The following ADGRV1 variants were observed in gnomAD, a reference collection of about 807,000 sequenced individuals.
The protein encoded by ADGRV1 is G-protein coupled receptor 98.
In ADGRV1, 359 loss-of-function variants were observed where a neutral mutation model predicts 596.2. The ratio of observed to expected loss-of-function variants is 0.60; its 90% CI spans 0.55 to 0.66. The LOEUF is 0.66. ADGRV1 is among the 30% of genes least tolerant of loss of function. ADGRV1 has a pLI of 0.00. For synonymous variants in ADGRV1, 2,681 were observed against 2,679.2 expected (o/e 1.00, Z -0.02); for missense variants, 7,274 against 7,575.6 (o/e 0.96, Z 1.48).
chr5:90,874,479 T>C (rs1769027256), intron 83 of ADGRV1, among the ~76,000 whole-genome samples: 1 of 152,078 alleles, frequency 6.6e-6, no homozygotes, highest in Non-Finnish European at 1.5e-5. Context: ...GAATGTCAAC[T>C]CCATTAGATC....
At chr5:90,766,070 T>C (rs368614885) in intron 59 of ADGRV1, among the ~76,000 whole-genome samples, 94 of 151,928 alleles carry the variant, frequency 6.2e-4, no homozygotes, top group South Asian at 1.2e-3. Flanking sequence ...CCACCACACC[T>C]GGCTAATTTT....
chr5:90,932,710 C>T (rs183881920), intron 83 of ADGRV1, among the ~76,000 whole-genome samples: 207 of 144,268 alleles, frequency 1.4e-3, no homozygotes, highest in African/African-American at 4.8e-3. Flanking sequence ...CCATAGAATG[C>T]ATCGCTGCAA....
At chr5:90,699,837 G>A (rs1747675029) in intron 34 of ADGRV1, among the ~76,000 whole-genome samples, 2 of 152,238 alleles carry the variant, frequency 1.3e-5, no homozygotes, top group Non-Finnish European at 2.9e-5. Context: ...CTAATTATCT[G>A]CAGGAGAGGC....
At chr5:90,833,648 T>C (rs1039413157) in intron 77 of ADGRV1, among the ~76,000 whole-genome samples, 8 of 152,218 alleles carry the variant, frequency 5.3e-5, no homozygotes, top group African/African-American at 1.9e-4. Flanking sequence ...TCAGGTATTT[T>C]ATTTTACTTG....
At chr5:90,819,952 T>A (rs1391859123) in intron 75 of ADGRV1, among the ~76,000 whole-genome samples, 4 of 151,068 alleles carry the variant, frequency 2.6e-5, no homozygotes, top group Non-Finnish European at 3.0e-5. Context: ...CAGAGCTGAG[T>A]TCAATTCCTG....
At chr5:90,901,785 T>C (rs993506521) in intron 83 of ADGRV1, among the ~76,000 whole-genome samples, 29 of 152,140 alleles carry the variant, frequency 1.9e-4, no homozygotes, top group African/African-American at 6.5e-4. Context: ...ACTTCTTCCT[T>C]TTTAAAAATA....
Position 90,647,675 on chromosome 5 carries a change from G to A in ADGRV1, c.3200G>A (p.Ser1067Asn), listed in dbSNP as rs1580584829. The part of the protein sequence containing the change: ...KGETLIFEVG[S>N]RQQSISIFVN... ...GAAACGCTCATTTTTGAGGTTGGAA[G>A]TAGACAGCAGAGCATATCCATATTT... Residue 1067 changes from serine (S) to asparagine (N), a missense_variant, in exon 17 of 90, where the codon AGT (serine) becomes AAT (asparagine). This residue lies in a region of ADGRV1 where 1,715 missense variants were observed against 1,708.8 expected (regional missense o/e 1.00). Transcript: ENST00000405460. The A allele has an allele frequency of 1.2e-6, 2 of 1,613,972 alleles. No homozygotes were observed. Among genetic ancestry groups the A allele is most frequent in the Non-Finnish European group, 8.5e-7 (1 of 1,179,836 alleles).
intron 70 of ADGRV1, among the ~76,000 whole-genome samples, chr5:90,798,919 A>C (rs1244041939): frequency 6.6e-6 from 1 of 152,222 alleles, no homozygotes; most frequent in Non-Finnish European, 1.5e-5. Context: ...TATTGATGGA[A>C]TGTATCTCAA....
intron 87 of ADGRV1, among the ~76,000 whole-genome samples, chr5:91,110,454 T>G (rs1308888630): frequency 6.6e-6 from 1 of 152,180 alleles, no homozygotes; most frequent in East Asian, 1.9e-4. Flanking sequence ...TGGGCAATGC[T>G]TATGCCACAC....
At chr5:90,742,443 A>G (rs779718432) in intron 50 of ADGRV1, among the ~76,000 whole-genome samples, 4 of 152,182 alleles carry the variant, frequency 2.6e-5, no homozygotes, top group Admixed American at 6.5e-5. Context: ...AAAGGGACCA[A>G]TGTGGCCCAA....
At chr5:91,049,181 A>G (rs990753169) in intron 85 of ADGRV1, among the ~76,000 whole-genome samples, 1 of 152,220 alleles carries the variant, frequency 6.6e-6, no homozygotes, top group Non-Finnish European at 1.5e-5. Context: ...TTCTAGGTAA[A>G]CTAGTAAACC....
intron 59 of ADGRV1, 130 bp downstream of exon 59, chr5:90,763,599 T>C: frequency 8.2e-6 from 7 of 856,880 alleles, no homozygotes; most frequent in Non-Finnish European, 1.2e-5. Context: ...ATGCTGGGGT[T>C]TGGGCTTCTA....
chr5:90,985,163 C>G lies in ADGRV1; in HGVS notation c.17974-181C>G, dbSNP rs76508943. On this transcript the variant is annotated intron_variant, in intron 84 of 89. Coordinates refer to ENST00000405460, the MANE Select transcript of ADGRV1 (RefSeq NM_032119.4). ...CAGAATTTTGAGGTATCCTGAATTT[C>G]TTGGATAAGAATGAAATTGTTATGA... 9.7e-3 allele frequency among the ~76,000 whole-genome samples: 1,482 copies of G among 152,130 alleles called. 32 individuals are homozygous for G. The highest frequency in any genetic ancestry group is 0.035 in the African/African-American group (1,442 of 41,486).
chr5:90,817,220 GTGTCTGTTCA>G (rs1231152246), intron 75 of ADGRV1, among the ~76,000 whole-genome samples: 9 of 151,406 alleles, frequency 5.9e-5, no homozygotes, highest in African/African-American at 2.2e-4. Context: ...CTTTTGAGAA[GTGTCTGTTCA>G]TGTCCTTCAC....
In ADGRV1 at chr5:90,728,865, C is replaced by A; in HGVS notation, c.10358C>A (p.Thr3453Lys). 1 of 1,613,550 alleles carries A rather than the reference C, an allele frequency of 6.2e-7. No homozygotes were observed. The highest frequency in any genetic ancestry group is 1.1e-5 in the South Asian group (1 of 91,054). ...TTTCAAGAGGTGCCTGTCAGTGGGA[C>A]AACAGAAGTTGAGGCTTTGTCTTCA... is the stretch of plus-strand genomic sequence containing the variant. Reference protein sequence around the residue: ...INFQEVPVSGTTEVEALSSAN... With the variant: ...INFQEVPVSGKTEVEALSSAN... The change falls in exon 49 of 90, where the codon ACA becomes AAA. Residue 3453 changes from threonine (T) to lysine (K), a missense_variant. By Grantham distance (78) the Thr-to-Lys change is moderately conservative (BLOSUM62 -1). Transcript: ENST00000405460.
chr5:90,697,402 G>A (rs1249952001), intron 34 of ADGRV1, among the ~76,000 whole-genome samples: 1 of 152,052 alleles, frequency 6.6e-6, no homozygotes, highest in Non-Finnish European at 1.5e-5. Flanking sequence ...AACCTGAAAT[G>A]CTTAGTTTTC....
intron 85 of ADGRV1, among the ~76,000 whole-genome samples, chr5:91,060,343 A>T (rs1787291553): frequency 6.6e-6 from 1 of 150,392 alleles, no homozygotes; most frequent in Non-Finnish European, 1.5e-5. Flanking sequence ...CTACAGGCAC[A>T]CTCCACCATG....
chr5:90,939,886 G>A (rs1272274657), intron 83 of ADGRV1, among the ~76,000 whole-genome samples: 3 of 152,172 alleles, frequency 2.0e-5, no homozygotes, highest in Admixed American at 2.0e-4. Flanking sequence ...TTCCTGGAGA[G>A]ATTAAGAGAG....
At chr5:90,604,032 G>GT (rs1761769911) in intron 1 of ADGRV1, among the ~76,000 whole-genome samples, 1 of 151,624 alleles carries the variant, frequency 6.6e-6, no homozygotes, top group South Asian at 2.1e-4. Context: ...CATTAGGAGG[G>GT]TATAGGAGAG....
Sources: allele counts gnomAD v4.1 joint callset (sites outside exome capture counted in the v4.1 genomes callset), GRCh38; gene constraint gnomAD v4.1.1; regional missense constraint gnomAD v4.1.1; transcripts MANE v1.5; gene names NCBI Gene and HGNC (gene_info 2026-07-23, HGNC 2026-07-21).